Variants in RSBN1L observed in about 807,000 individuals in gnomAD.
The protein encoded by RSBN1L is lysine-specific demethylase RSBN1L.
In RSBN1L, 30 loss-of-function variants were observed where a neutral mutation model predicts 67.7. That is an observed-to-expected ratio of 0.44 (90% CI 0.33 to 0.60). The LOEUF is 0.60. Ranked by LOEUF, RSBN1L falls within the 20% of genes least tolerant of loss-of-function variation. The probability of loss-of-function intolerance (pLI) is 0.02; values close to 1 mark genes in which losing one functional copy is unlikely to be tolerated. For synonymous variants in RSBN1L, 433 were observed against 387.0 expected (o/e 1.12, Z -1.39); for missense variants, 992 against 1,031.7 (o/e 0.96, Z 0.53).
chr7:77,763,085 G>A (rs1295802183), intron 3 of RSBN1L, among the ~76,000 whole-genome samples: 2 of 150,850 alleles, frequency 1.3e-5, no homozygotes, highest in African/African-American at 4.9e-5. Flanking sequence ...ATTTAAACAA[G>A]ATAAGGAAAT....
At chr7:77,750,892 A>G (rs1211438091) in intron 3 of RSBN1L, among the ~76,000 whole-genome samples, 1 of 152,204 alleles carries the variant, frequency 6.6e-6, no homozygotes, top group Non-Finnish European at 1.5e-5. Flanking sequence ...AAATAAGTAA[A>G]CAGACGTAGA....
chr7:77,740,969 A>G (rs1271345548), intron 2 of RSBN1L, among the ~76,000 whole-genome samples: 1 of 124,840 alleles, frequency 8.0e-6, no homozygotes, highest in African/African-American at 3.1e-5. Context: ...TCCCATCAAC[A>G]TTTTTCTTTT....
chr7:77,733,172 G>C (rs17385641), intron 1 of RSBN1L, among the ~76,000 whole-genome samples: 37,253 of 152,082 alleles, frequency 0.24, 4,789 homozygotes, highest in South Asian at 0.29. Context: ...TTTGAAAAAG[G>C]ATAGGCTCTA....
chr7:77,700,084 C>A (rs539425183), intron 1 of RSBN1L, among the ~76,000 whole-genome samples: 34 of 152,248 alleles, frequency 2.2e-4, no homozygotes, highest in Admixed American at 2.0e-3. Context: ...CGTGAGCCAC[C>A]GTGCCTGGCC....
intron 6 of RSBN1L, 42 bp downstream of exon 6, chr7:77,773,356 C>T (rs767038914): frequency 7.4e-7 from 1 of 1,352,286 alleles, no homozygotes; most frequent in East Asian, 2.5e-5. Context: ...AATTTCTTGG[C>T]TTCTACAATT....
intron 1 of RSBN1L, among the ~76,000 whole-genome samples, chr7:77,735,754 G>T (rs1791325886): frequency 1.3e-5 from 2 of 152,016 alleles, no homozygotes; most frequent in Non-Finnish European, 2.9e-5. Context: ...GAACAAAGAA[G>T]AATTTAATAG....
intron 6 of RSBN1L, among the ~76,000 whole-genome samples, chr7:77,774,799 G>A (rs1338588665): frequency 6.6e-6 from 1 of 152,138 alleles, no homozygotes; most frequent in Non-Finnish European, 1.5e-5. Context: ...TTCCAAAATT[G>A]AGTATTGTTT....
chr7:77,761,086 A>G (rs1201029891), intron 3 of RSBN1L, among the ~76,000 whole-genome samples: 1 of 152,170 alleles, frequency 6.6e-6, no homozygotes, highest in East Asian at 1.9e-4. Flanking sequence ...CAGATAGGCT[A>G]TTTTTTTAGT....
chr7:77,726,591 A>C (rs1032812123), intron 1 of RSBN1L, among the ~76,000 whole-genome samples: 2 of 152,098 alleles, frequency 1.3e-5, no homozygotes, highest in Non-Finnish European at 2.9e-5. Context: ...CGTGTTCCTC[A>C]GCTCGTTTAG....
chr7:77,708,512 G>C (rs12533716), intron 1 of RSBN1L, among the ~76,000 whole-genome samples: 2,811 of 152,018 alleles, frequency 0.018, 38 homozygotes, highest in Middle Eastern at 0.072. Flanking sequence ...CTCCGGAGTA[G>C]CTGGGACTAC....
At chr7:77,740,985 CTTTT>C (rs869081974) in intron 2 of RSBN1L, among the ~76,000 whole-genome samples, 5 of 102,938 alleles carry the variant, frequency 4.9e-5, no homozygotes, top group African/African-American at 1.8e-4. Context: ...CTTTTCTTTT[CTTTT>C]TTTTTTTTTT....
intron 2 of RSBN1L, among the ~76,000 whole-genome samples, chr7:77,739,711 G>GA (rs1158112982): frequency 0.084 from 2,889 of 34,386 alleles, 257 homozygotes; most frequent in Non-Finnish European, 0.11. Context: ...TTGGTCTCAG[G>GA]AAAAAAAAAA....
chr7:77,777,128 TGTGTAAGAACCTTTCAATA>T (rs1440254561), intron 6 of RSBN1L, among the ~76,000 whole-genome samples: 1 of 152,014 alleles, frequency 6.6e-6, no homozygotes, highest in African/African-American at 2.4e-5. Flanking sequence ...CTTTATGTAA[TGTGTAAGAACCTTTCAATA>T]GTATACTTCC....
intron 2 of RSBN1L, among the ~76,000 whole-genome samples, chr7:77,740,910 T>G (rs1323086157): frequency 6.6e-6 from 1 of 151,936 alleles, no homozygotes. Flanking sequence ...TGTGGTACTT[T>G]GTGTGTGTGG....
At chr7:77,761,167 T>A (rs971722021) in intron 3 of RSBN1L, among the ~76,000 whole-genome samples, 1 of 152,244 alleles carries the variant, frequency 6.6e-6, no homozygotes, top group Admixed American at 6.5e-5. Flanking sequence ...TGCAACATAA[T>A]GTCACTTTAT....
chr7:77,758,631 G>A (rs934813953), intron 3 of RSBN1L, among the ~76,000 whole-genome samples: 1 of 152,140 alleles, frequency 6.6e-6, no homozygotes, highest in Non-Finnish European at 1.5e-5. Flanking sequence ...ACTTCTTGAT[G>A]ACAGGAGTGG....
intron 1 of RSBN1L, among the ~76,000 whole-genome samples, chr7:77,726,570 C>T (rs536716480): frequency 9.3e-4 from 141 of 152,176 alleles, no homozygotes; most frequent in Non-Finnish European, 1.7e-3. Context: ...CCTAGCTTTC[C>T]CTACTGATTT....
chr7:77,724,874 C>T lies in RSBN1L; in HGVS notation c.587-11536C>T, dbSNP rs1411107629. Among the ~76,000 whole-genome samples, 4 of 146,984 alleles carry T rather than the reference C, an allele frequency of 2.7e-5. No homozygotes were observed. In the East Asian group the frequency reaches 6.1e-4, roughly 22 times the overall value. The stretch of plus-strand genomic sequence containing the variant: ...TTTTTTTTTTTGAGACGGAGTTTCG[C>T]TTTTGTGGCCCAAGCCGGAGTGCAG... On this transcript the variant is annotated intron_variant, in intron 1 of 7. Coordinates refer to ENST00000334955, the MANE Select transcript of RSBN1L (RefSeq NM_198467.3).
chr7:77,749,515 A>T lies in RSBN1L; in HGVS notation c.795A>T (p.Lys265Asn). Residue 265 changes from lysine (K) to asparagine (N), a missense_variant, in exon 3 of 8, where the codon AAA becomes AAT. By Grantham distance (94) the Lys-to-Asn change is moderately conservative. This residue lies in a region of RSBN1L where 575 missense variants were observed against 483.2 expected (regional missense o/e 1.19). Coordinates refer to ENST00000334955, the MANE Select transcript of RSBN1L (RefSeq NM_198467.3). ...KKKKKHKENE[K>N]RKRPKMYSKS... ...AAAAGAAACACAAAGAGAATGAAAA[A>T]CGGAAGCGTCCGAAAATGTATAGCA... The T allele has an allele frequency of 6.2e-7, 1 of 1,608,262 alleles. No individual in the cohort carries two copies. Among genetic ancestry groups the T allele is most frequent in the African/African-American group, 1.3e-5 (1 of 74,532 alleles).
Sources: gnomAD v4.1 joint callset for allele counts (sites outside exome capture counted in the v4.1 genomes callset) on GRCh38, gnomAD v4.1.1 for gene constraint, gnomAD v4.1.1 regional missense constraint, MANE v1.5 for transcripts, NCBI Gene and HGNC (gene_info 2026-07-23, HGNC 2026-07-21) for gene names.